The following KCNH7 variants were observed in gnomAD, a reference collection of about 807,000 sequenced individuals.
The protein encoded by KCNH7 is potassium voltage-gated channel subfamily H member 7.
KCNH7 carries 49 observed loss-of-function variants against 120.8 expected under a neutral mutation model. The observed-to-expected ratio is 0.41, with a 90% confidence interval of 0.32 to 0.51. The LOEUF (loss-of-function observed/expected upper bound fraction) is 0.51. KCNH7 is among the 20% of genes least tolerant of loss of function. The pLI is 0.38. For missense variants in KCNH7, 1,097 were observed against 1,446.6 expected, an observed-to-expected ratio of 0.76 and a Z score of 3.92; for synonymous variants, 547 against 516.1, an observed-to-expected ratio of 1.06 and a Z score of -0.81.
chr2:162,547,924 C>A (rs1051292050), intron 2 of KCNH7, among the ~76,000 whole-genome samples: 9 of 152,062 alleles, frequency 5.9e-5, no homozygotes, highest in African/African-American at 1.9e-4. Context: ...ATACAGAGAC[C>A]TTAGTGGGGT....
intron 2 of KCNH7, among the ~76,000 whole-genome samples, chr2:162,539,743 A>G (rs1470155546): frequency 6.6e-6 from 1 of 152,070 alleles, no homozygotes; most frequent in Non-Finnish European, 1.5e-5. Context: ...CTATTAAGCA[A>G]TATATTTCCT....
At chr2:162,554,030 G>C (rs536904063) in intron 2 of KCNH7, among the ~76,000 whole-genome samples, 1 of 152,216 alleles carries the variant, frequency 6.6e-6, no homozygotes, top group South Asian at 2.1e-4. Flanking sequence ...CCCATGCCTG[G>C]ATCAATTTAG....
intron 6 of KCNH7, among the ~76,000 whole-genome samples, chr2:162,487,285 T>A (rs1023304785): frequency 1.3e-5 from 2 of 152,150 alleles, no homozygotes; most frequent in Non-Finnish European, 2.9e-5. Context: ...TAAAGAAATA[T>A]AAAACACAAG....
At chr2:162,426,214 TAAAAAAAA>T (rs751111957) in intron 8 of KCNH7, among the ~76,000 whole-genome samples, 1 of 118,964 alleles carries the variant, frequency 8.4e-6, no homozygotes, top group Admixed American at 8.6e-5. Context: ...ACCCTATCTT[TAAAAAAAA>T]AAAAAAAAAA....
At chr2:162,506,142 A>G (rs1333918225) in intron 5 of KCNH7, among the ~76,000 whole-genome samples, 10 of 151,896 alleles carry the variant, frequency 6.6e-5, no homozygotes, top group Non-Finnish European at 1.2e-4. Context: ...AAGTCCATCT[A>G]GAAGAAAAAT....
intron 6 of KCNH7, among the ~76,000 whole-genome samples, chr2:162,473,118 G>A (rs528849936): frequency 3.0e-4 from 45 of 152,108 alleles, no homozygotes; most frequent in Non-Finnish European, 5.1e-4. Flanking sequence ...TATACCTAAT[G>A]TAAATGATGA....
intron 2 of KCNH7, among the ~76,000 whole-genome samples, chr2:162,612,043 G>A (rs1382028450): frequency 1.3e-5 from 2 of 152,096 alleles, no homozygotes; most frequent in African/African-American, 2.4e-5. Flanking sequence ...CAGCATTATG[G>A]TATATCAAAT....
intron 3 of KCNH7, among the ~76,000 whole-genome samples, chr2:162,523,562 C>T (rs1316972735): frequency 1.3e-5 from 2 of 151,850 alleles, no homozygotes; most frequent in Admixed American, 6.6e-5. Flanking sequence ...CTCTCTCTCT[C>T]TCCCTACTTC....
chr2:162,771,754 C>T (rs879667840), intron 2 of KCNH7, among the ~76,000 whole-genome samples: 1 of 151,794 alleles, frequency 6.6e-6, no homozygotes, highest in Admixed American at 6.6e-5. Context: ...TATCTGATCT[C>T]GTATTTTTAT....
intron 3 of KCNH7, among the ~76,000 whole-genome samples, chr2:162,528,967 G>A (rs1157741128): frequency 1.3e-5 from 2 of 151,916 alleles, no homozygotes; most frequent in Non-Finnish European, 2.9e-5. Flanking sequence ...TGGCTTGGGA[G>A]CTTTGGATAA....
intron 2 of KCNH7, among the ~76,000 whole-genome samples, chr2:162,576,149 T>G (rs1257096783): frequency 6.6e-6 from 1 of 152,110 alleles, no homozygotes; most frequent in Non-Finnish European, 1.5e-5. Context: ...GTATTTATTT[T>G]TAATTGATGT....
chr2:162,561,256 T>G (rs1390264729), intron 2 of KCNH7, among the ~76,000 whole-genome samples: 2 of 152,198 alleles, frequency 1.3e-5, no homozygotes, highest in Non-Finnish European at 2.9e-5. Flanking sequence ...TTTCTTTATC[T>G]ATTTTGCTGT....
chr2:162,431,798 T>A (rs74820249), intron 8 of KCNH7, among the ~76,000 whole-genome samples: 4,196 of 151,536 alleles, frequency 0.028, 199 homozygotes, highest in African/African-American at 0.097. Context: ...TCTAGTGCTA[T>A]ATTTAAAAGG....
intron 2 of KCNH7, among the ~76,000 whole-genome samples, chr2:162,783,846 A>G (rs1159770593): frequency 1.3e-5 from 2 of 152,200 alleles, no homozygotes; most frequent in African/African-American, 4.8e-5. Flanking sequence ...AACCTATATT[A>G]AAGAGAATAT....
At chr2:162,507,456 T>A (rs1690919154) in intron 5 of KCNH7, among the ~76,000 whole-genome samples, 1 of 151,640 alleles carries the variant, frequency 6.6e-6, no homozygotes, top group Admixed American at 6.6e-5. Flanking sequence ...TGTCTTTGGG[T>A]TGGCTGTTGG....
chr2:162,812,297 G>A (rs1406886283), intron 2 of KCNH7, among the ~76,000 whole-genome samples: 1 of 152,028 alleles, frequency 6.6e-6, no homozygotes, highest in Non-Finnish European at 1.5e-5. Flanking sequence ...TGAGATATTA[G>A]ACTAGCAGTT....
chr2:162,726,480 C>T (rs908451937), intron 2 of KCNH7, among the ~76,000 whole-genome samples: 1 of 152,096 alleles, frequency 6.6e-6, no homozygotes, highest in East Asian at 1.9e-4. Flanking sequence ...AGTGCAGTGG[C>T]GCCATCTCGG....
At chr2:162,384,359 T>C (rs1686512775) in intron 13 of KCNH7, among the ~76,000 whole-genome samples, 1 of 151,862 alleles carries the variant, frequency 6.6e-6, no homozygotes, top group Admixed American at 6.6e-5. Context: ...AAAGAACCAA[T>C]TGATTAACTG....
At chr2:162,714,119 A>AT (rs1687025723) in intron 2 of KCNH7, among the ~76,000 whole-genome samples, 1 of 152,172 alleles carries the variant, frequency 6.6e-6, no homozygotes, top group Non-Finnish European at 1.5e-5. Flanking sequence ...TTTACTAGTT[A>AT]TTATCCACTA....
Sources: gnomAD v4.1 joint callset for allele counts (sites outside exome capture counted in the v4.1 genomes callset) on GRCh38, gnomAD v4.1.1 for gene constraint, MANE v1.5 for transcripts, NCBI Gene and HGNC (gene_info 2026-07-23, HGNC 2026-07-21) for gene names.